The following GRM8 variants were observed in gnomAD, a reference collection of about 807,000 sequenced individuals.
GRM8 encodes the protein glutamate metabotropic receptor 8, also known as metabotropic glutamate receptor 8.
GRM8 carries 47 observed loss-of-function variants against 87.2 expected under a neutral mutation model. The observed-to-expected ratio is 0.54, with a 90% CI of 0.43 to 0.69. The LOEUF (loss-of-function observed/expected upper bound fraction) is 0.69. GRM8 is among the 30% of genes least tolerant of loss of function. GRM8 has a pLI of 0.00. For missense variants in GRM8, 1,019 were observed against 1,139.2 expected (o/e 0.89, Z 1.52); for synonymous variants, 396 against 404.5 (o/e 0.98, Z 0.25).
intron 7 of GRM8, among the ~76,000 whole-genome samples, chr7:126,729,174 G>C (rs2237765): frequency 0.061 from 9,351 of 152,070 alleles, 574 homozygotes; most frequent in East Asian, 0.31. Flanking sequence ...ATTTTCTCAC[G>C]TGGCACCAAT....
At chr7:126,918,799 A>G (rs1804195286) in intron 3 of GRM8, among the ~76,000 whole-genome samples, 1 of 152,216 alleles carries the variant, frequency 6.6e-6, no homozygotes, top group South Asian at 2.1e-4. Flanking sequence ...GTTTTATAAC[A>G]TTCTGCATTA....
At chr7:126,620,691 C>CTGTTAACAAG (rs5887299) in intron 7 of GRM8, among the ~76,000 whole-genome samples, 1 of 151,512 alleles carries the variant, frequency 6.6e-6, no homozygotes, top group African/African-American at 2.4e-5. Context: ...CCTTCCTAAA[C>CTGTTAACAAG]TGTTGCATGA....
intron 3 of GRM8, among the ~76,000 whole-genome samples, chr7:126,997,429 T>C (rs1813289852): frequency 7.1e-6 from 1 of 141,132 alleles, no homozygotes; most frequent in African/African-American, 2.6e-5. Context: ...AAGAAAAAAA[T>C]AAACATCAGA....
chr7:126,686,381 G>A lies in GRM8; in HGVS notation c.1358-76883C>T, dbSNP rs546930879. Among the ~76,000 whole-genome samples, 8 of 152,282 alleles carry A rather than the reference G, an allele frequency of 5.3e-5. No individual in the cohort carries two copies. In the South Asian group the frequency reaches 8.3e-4, roughly 16 times the overall value. On this transcript the variant is annotated intron_variant, in intron 7 of 10. Transcript: ENST00000339582. ...CTGAAACATGCCCCTTGCTTGCCAC[G>A]TTGTGGGTGAAGAGAAGGAGAGAAA...
chr7:126,701,797 G>T, intron 7 of GRM8: 1 of 1,292,810 alleles, frequency 7.7e-7, no homozygotes, highest in Non-Finnish European at 1.0e-6. Flanking sequence ...AGTTGGCCAG[G>T]GTAGAGACAT....
intron 6 of GRM8, among the ~76,000 whole-genome samples, chr7:126,852,928 T>C (rs971282554): frequency 6.6e-6 from 1 of 152,228 alleles, no homozygotes; most frequent in African/African-American, 2.4e-5. Flanking sequence ...TAGATTAACA[T>C]TTTTAATTTA....
At chr7:126,975,119 G>A (rs1810854672) in intron 3 of GRM8, among the ~76,000 whole-genome samples, 1 of 152,014 alleles carries the variant, frequency 6.6e-6, no homozygotes, top group Admixed American at 6.5e-5. Context: ...GACTGTTTAT[G>A]AAACAAAAAA....
At chr7:126,741,847 T>C (rs544350040) in intron 7 of GRM8, among the ~76,000 whole-genome samples, 1 of 152,192 alleles carries the variant, frequency 6.6e-6, no homozygotes, top group East Asian at 1.9e-4. Flanking sequence ...TCACCTACTT[T>C]TAAAAGACTA....
At chr7:126,839,693 G>C (rs1232811664) in intron 6 of GRM8, among the ~76,000 whole-genome samples, 1 of 152,132 alleles carries the variant, frequency 6.6e-6, no homozygotes, top group African/African-American at 2.4e-5. Context: ...AACACACTTT[G>C]TGCATTTTGG....
chr7:127,068,591 A>G (rs976258143), intron 3 of GRM8, among the ~76,000 whole-genome samples: 2 of 152,208 alleles, frequency 1.3e-5, no homozygotes, highest in East Asian at 3.8e-4. Context: ...AACAGGAGAA[A>G]AGCTGCCTCG....
chr7:127,111,780 A>T (rs1826368456), intron 2 of GRM8, among the ~76,000 whole-genome samples: 1 of 152,188 alleles, frequency 6.6e-6, no homozygotes, highest in South Asian at 2.1e-4. Flanking sequence ...TAATCCCAGC[A>T]GTTTGGGAGG....
chr7:127,078,821 A>G (rs1781678609), intron 3 of GRM8, among the ~76,000 whole-genome samples: 1 of 152,228 alleles, frequency 6.6e-6, no homozygotes, highest in Non-Finnish European at 1.5e-5. Flanking sequence ...TGGTATAATT[A>G]TTTTAGAATT....
At chr7:126,785,230 C>T (rs1820500057) in intron 6 of GRM8, among the ~76,000 whole-genome samples, 1 of 152,098 alleles carries the variant, frequency 6.6e-6, no homozygotes, top group African/African-American at 2.4e-5. Context: ...AATAGTCTTC[C>T]AATACTTTTA....
At chr7:126,971,228 T>A (rs1054906158) in intron 3 of GRM8, among the ~76,000 whole-genome samples, 2 of 143,336 alleles carry the variant, frequency 1.4e-5, no homozygotes, top group Admixed American at 7.0e-5. Context: ...CCTGTACATA[T>A]AAACATCATG....
At chr7:126,748,418 G>C (rs1289333075) in intron 7 of GRM8, among the ~76,000 whole-genome samples, 4 of 151,822 alleles carry the variant, frequency 2.6e-5, no homozygotes, top group Non-Finnish European at 5.9e-5. Context: ...GAAATAAAGA[G>C]AAATTTAACA....
intron 2 of GRM8, among the ~76,000 whole-genome samples, chr7:127,226,126 A>G (rs1587327041): frequency 6.6e-6 from 1 of 152,230 alleles, no homozygotes; most frequent in Middle Eastern, 3.2e-3. Context: ...AATCTACAAT[A>G]GGAAAAAAGG....
intron 7 of GRM8, 147 bp downstream of exon 7, chr7:126,769,718 A>C: frequency 1.7e-6 from 1 of 597,360 alleles, no homozygotes; most frequent in Non-Finnish European, 3.0e-6. Context: ...ATTCAAAAGC[A>C]GGTGGAAAAA....
intron 8 of GRM8, among the ~76,000 whole-genome samples, chr7:126,602,643 C>A (rs1441373086): frequency 1.4e-5 from 2 of 146,158 alleles, no homozygotes; most frequent in African/African-American, 2.5e-5. Flanking sequence ...TGAAGAGGTC[C>A]TTCACATCCC....
chr7:126,603,050 C>T (rs1419415446), intron 8 of GRM8, among the ~76,000 whole-genome samples: 21 of 148,234 alleles, frequency 1.4e-4, no homozygotes, highest in African/African-American at 4.9e-4. Flanking sequence ...ATCAAGTTGG[C>T]TTCATCCCTG....
Sources: allele counts gnomAD v4.1 joint callset (sites outside exome capture counted in the v4.1 genomes callset), GRCh38; gene constraint gnomAD v4.1.1; transcripts MANE v1.5; gene names NCBI Gene and HGNC (gene_info 2026-07-23, HGNC 2026-07-21).